Variants in PRELID2 observed in about 807,000 individuals in gnomAD.
The protein encoded by PRELID2 is PRELI domain-containing protein 2.
PRELID2 carries 25 observed loss-of-function variants against 28.4 expected under a neutral mutation model. The ratio of observed to expected loss-of-function variants is 0.88; its 90% CI spans 0.64 to 1.23. The LOEUF is 1.23. Ranked by LOEUF, PRELID2 falls within the 50% of genes most tolerant of loss-of-function variation. PRELID2 has a pLI of 0.00. For synonymous variants in PRELID2, 76 were observed against 71.6 expected (o/e 1.06, Z -0.31); for missense variants, 201 against 214.4 (o/e 0.94, Z 0.39).
the PRELID2 span, among the ~76,000 whole-genome samples, chr5:145,274,509 A>G: frequency 6.6e-6 from 1 of 152,186 alleles, no homozygotes; most frequent in Admixed American, 6.6e-5. Context: ...ATTCAAAAGG[A>G]TTATATAGAT....
chr5:145,353,737 A>G, the PRELID2 span, among the ~76,000 whole-genome samples: 1,724 of 152,218 alleles, frequency 0.011, 33 homozygotes, highest in African/African-American at 0.039. Context: ...CCATGATTCA[A>G]TTTACTCCCA....
At chr5:145,623,225 C>A (rs1022247678) in intron 1 of PRELID2, among the ~76,000 whole-genome samples, 7 of 151,464 alleles carry the variant, frequency 4.6e-5, no homozygotes, top group African/African-American at 1.5e-4. Flanking sequence ...CCACAGTGGG[C>A]AGATCATGAG....
the PRELID2 span, among the ~76,000 whole-genome samples, chr5:145,314,575 T>A: frequency 2.0e-5 from 3 of 152,064 alleles, no homozygotes. Flanking sequence ...TTTCCAAATT[T>A]TTTTATCACT....
intron 5 of PRELID2, among the ~76,000 whole-genome samples, chr5:145,786,336 A>G (rs1751994123): frequency 6.6e-6 from 1 of 152,162 alleles, no homozygotes; most frequent in East Asian, 1.9e-4. Context: ...TAATGAAAAG[A>G]ATACAGAAAA....
chr5:145,638,174 G>GGAC (rs1178510073), intron 1 of PRELID2, among the ~76,000 whole-genome samples: 1 of 151,966 alleles, frequency 6.6e-6, no homozygotes, highest in African/African-American at 2.4e-5. Context: ...ATTGATATTG[G>GGAC]TACTACTACT....
chr5:145,558,232 G>C (rs908797132), intron 1 of PRELID2, among the ~76,000 whole-genome samples: 2 of 152,164 alleles, frequency 1.3e-5, no homozygotes, highest in Non-Finnish European at 2.9e-5. Context: ...AAAGTCATTA[G>C]TACAGAACTA....
At chr5:145,269,593 G>T in the PRELID2 span, among the ~76,000 whole-genome samples, 2 of 151,748 alleles carry the variant, frequency 1.3e-5, no homozygotes, top group African/African-American at 4.8e-5. Flanking sequence ...ATTTTTTAAA[G>T]AGGAAGCAGA....
intron 1 of PRELID2, among the ~76,000 whole-genome samples, chr5:145,668,196 G>T (rs1754634666): frequency 6.6e-6 from 1 of 152,154 alleles, no homozygotes; most frequent in East Asian, 1.9e-4. Context: ...CTACACAGTG[G>T]TGTCATGTGT....
At chr5:145,230,084 C>T in the PRELID2 span, 1 of 645,634 alleles carries the variant, frequency 1.5e-6, no homozygotes, top group Non-Finnish European at 2.9e-6. Context: ...CTGGGGCCTC[C>T]TCAATTTGCA....
intron 5 of PRELID2, among the ~76,000 whole-genome samples, chr5:145,791,064 C>T (rs866009851): frequency 1.3e-5 from 2 of 152,086 alleles, no homozygotes; most frequent in Non-Finnish European, 2.9e-5. Flanking sequence ...ATACCAGCCA[C>T]TGAGTAATTT....
the PRELID2 span, among the ~76,000 whole-genome samples, chr5:145,337,758 CACACAT>C: frequency 7.4e-4 from 105 of 140,966 alleles, 1 homozygote; most frequent in African/African-American, 2.9e-3. Flanking sequence ...CACACACACA[CACACAT>C]ACACGTACAT....
At chr5:145,816,329 G>A (rs115495703) in intron 4 of PRELID2, among the ~76,000 whole-genome samples, 2,275 of 151,914 alleles carry the variant, frequency 0.015, 41 homozygotes, top group African/African-American at 0.047. Flanking sequence ...TGATCACCCC[G>A]CCTTGGCCTC....
At chr5:145,276,862 C>T in the PRELID2 span, among the ~76,000 whole-genome samples, 2 of 152,122 alleles carry the variant, frequency 1.3e-5, no homozygotes, top group African/African-American at 4.8e-5. Flanking sequence ...AAATAGTCCT[C>T]AGAGCATTTC....
At chr5:145,355,628 A>G in the PRELID2 span, among the ~76,000 whole-genome samples, 2 of 152,184 alleles carry the variant, frequency 1.3e-5, no homozygotes, top group African/African-American at 4.8e-5. Context: ...CAAACATCCT[A>G]CCAAGGAGAT....
At chr5:145,721,760 C>G (rs1755996623) in intron 1 of PRELID2, among the ~76,000 whole-genome samples, 1 of 152,026 alleles carries the variant, frequency 6.6e-6, no homozygotes, top group South Asian at 2.1e-4. Flanking sequence ...GGGATGGACA[C>G]AGACATAACA....
intron 1 of PRELID2, among the ~76,000 whole-genome samples, chr5:145,647,478 C>T (rs903426892): frequency 3.9e-5 from 6 of 152,144 alleles, no homozygotes; most frequent in Admixed American, 6.5e-5. Flanking sequence ...TGGGACCCAC[C>T]GAGCCAGACC....
the PRELID2 span, among the ~76,000 whole-genome samples, chr5:145,395,735 C>CAA: frequency 6.6e-6 from 1 of 150,776 alleles, no homozygotes; most frequent in African/African-American, 2.4e-5. Context: ...TGGAAAACCA[C>CAA]AAAAAAAACA....
the PRELID2 span, among the ~76,000 whole-genome samples, chr5:145,417,521 C>A: frequency 6.6e-6 from 1 of 152,140 alleles, no homozygotes; most frequent in Non-Finnish European, 1.5e-5. Flanking sequence ...CACACCAAAC[C>A]AGCAGCACAT....
intron 1 of PRELID2, among the ~76,000 whole-genome samples, chr5:145,663,986 A>G (rs1053338757): frequency 6.6e-6 from 1 of 152,106 alleles, no homozygotes; most frequent in Non-Finnish European, 1.5e-5. Flanking sequence ...TGAAACAACA[A>G]TGGTCTAGAA....
Sources: gnomAD v4.1 joint callset for allele counts (sites outside exome capture counted in the v4.1 genomes callset) on GRCh38, gnomAD v4.1.1 for gene constraint, MANE v1.5 for transcripts, NCBI Gene and HGNC (gene_info 2026-07-23, HGNC 2026-07-21) for gene names.